Variants in RABGEF1 observed in about 807,000 individuals in gnomAD.
RABGEF1 encodes the protein rab5 GDP/GTP exchange factor.
RABGEF1 carries 26 observed loss-of-function variants against 57.3 expected under a neutral mutation model. That is an observed-to-expected ratio of 0.45 (90% CI 0.33 to 0.63). The LOEUF (loss-of-function observed/expected upper bound fraction) is 0.63. Ranked by LOEUF, RABGEF1 falls within the 20% of genes least tolerant of loss-of-function variation. RABGEF1 has a pLI of 0.02. For missense variants in RABGEF1, 464 were observed against 607.6 expected (o/e 0.76, Z 2.48); for synonymous variants, 185 against 210.7 (o/e 0.88, Z 1.06).
chr7:66,785,130 T>A (rs182911665), intron 4 of RABGEF1, among the ~76,000 whole-genome samples: 1 of 152,346 alleles, frequency 6.6e-6, no homozygotes, highest in East Asian at 1.9e-4. Context: ...GATGTGTTCT[T>A]ACTCTGTAAT....
chr7:66,768,457 G>A (rs2129102738), intron 1 of RABGEF1, among the ~76,000 whole-genome samples: 1 of 152,328 alleles, frequency 6.6e-6, no homozygotes, highest in South Asian at 2.1e-4. Context: ...TGCCAAATAT[G>A]TGATTTGCTG....
chr7:66,659,197 A>G, the RABGEF1 span, among the ~76,000 whole-genome samples: 2 of 152,144 alleles, frequency 1.3e-5, no homozygotes, highest in Admixed American at 6.5e-5. Context: ...TCACGCCTGT[A>G]ATCCCAGCAC....
intron 1 of RABGEF1, among the ~76,000 whole-genome samples, chr7:66,701,802 G>A (rs565669744): frequency 6.6e-6 from 1 of 152,176 alleles, no homozygotes; most frequent in East Asian, 1.9e-4. Context: ...TATAGATTCT[G>A]GATACAAGTT....
intron 1 of RABGEF1, among the ~76,000 whole-genome samples, chr7:66,744,930 C>T (rs1030006266): frequency 6.6e-6 from 1 of 152,096 alleles, no homozygotes; most frequent in Non-Finnish European, 1.5e-5. Context: ...CGGTGGCTCA[C>T]GCCTGTAATC....
intron 1 of RABGEF1, among the ~76,000 whole-genome samples, chr7:66,692,110 T>G (rs1435839512): frequency 6.6e-6 from 1 of 152,214 alleles, no homozygotes; most frequent in Non-Finnish European, 1.5e-5. Flanking sequence ...TGTATAAATT[T>G]GTTTCATTTC....
chr7:66,658,268 C>G, the RABGEF1 span, among the ~76,000 whole-genome samples: 2 of 152,152 alleles, frequency 1.3e-5, no homozygotes, highest in Non-Finnish European at 1.5e-5. Context: ...TGCAGTGGCT[C>G]GTGCCTGTAA....
intron 1 of RABGEF1, among the ~76,000 whole-genome samples, chr7:66,695,107 G>T (rs556241080): frequency 6.6e-6 from 1 of 152,092 alleles, no homozygotes; most frequent in Non-Finnish European, 1.5e-5. Context: ...AGATCAGAAG[G>T]TCAAGACCAG....
At chr7:66,766,591 CTT>C (rs1388564164) in intron 1 of RABGEF1, among the ~76,000 whole-genome samples, 19 of 152,186 alleles carry the variant, frequency 1.2e-4, no homozygotes, top group African/African-American at 4.3e-4. Flanking sequence ...AAACAGTAAA[CTT>C]GAGAGTTTTT....
At chr7:66,731,203 G>A (rs1797272866) in intron 2 of RABGEF1, among the ~76,000 whole-genome samples, 1 of 152,170 alleles carries the variant, frequency 6.6e-6, no homozygotes, top group Non-Finnish European at 1.5e-5. Flanking sequence ...TCCAGGCCTG[G>A]CAACAGGACT....
chr7:66,682,439 C>A (rs879420157), intron 1 of RABGEF1, among the ~76,000 whole-genome samples: 15 of 152,352 alleles, frequency 9.8e-5, no homozygotes, highest in Admixed American at 3.9e-4. Context: ...AGGCCGCCCT[C>A]GGTTCCCTTA....
chr7:66,753,816 C>T (rs908269268), intron 1 of RABGEF1, among the ~76,000 whole-genome samples: 2 of 146,726 alleles, frequency 1.4e-5, no homozygotes, highest in African/African-American at 5.0e-5. Context: ...AAGCAATTCT[C>T]CTACCTCAGT....
intron 1 of RABGEF1, among the ~76,000 whole-genome samples, chr7:66,756,524 A>G (rs1382725333): frequency 2.0e-5 from 3 of 151,982 alleles, no homozygotes; most frequent in Admixed American, 6.6e-5. Flanking sequence ...TGTTAGTACT[A>G]TTTCTGAATT....
chr7:66,665,077 T>C, the RABGEF1 span: 1 of 152,176 alleles, frequency 6.6e-6, no homozygotes, highest in African/African-American at 2.4e-5. Flanking sequence ...TGCCGGCTTC[T>C]TGGTTCCACT....
rs201470152 is a variant in RABGEF1, at chr7:66,713,369, C to T, written c.-815+1145C>T. Reference sequence around the variant, plus strand: ...GGTCTCAATCTCCTGACCTCGTGATCGGCCCGCCTTGGCCCTCCAAAGTGC... The same window carrying T: ...GGTCTCAATCTCCTGACCTCGTGATTGGCCCGCCTTGGCCCTCCAAAGTGC... On this transcript the variant is annotated intron_variant and NMD_transcript_variant, in intron 2 of 9. Transcript: ENST00000607882. Among the ~76,000 whole-genome samples the T allele has an allele frequency of 7.8e-4, 119 of 151,990 alleles. No individual in the cohort carries two copies. The East Asian group carries it at 9.7e-3, about 12-fold the overall frequency.
At chr7:66,785,641 G>A (rs1178934405) in intron 4 of RABGEF1, among the ~76,000 whole-genome samples, 12 of 152,288 alleles carry the variant, frequency 7.9e-5, no homozygotes, top group African/African-American at 2.2e-4. Flanking sequence ...TTGGGAGGCC[G>A]AGGCAGGCGG....
rs926254599 is a variant in RABGEF1, at chr7:66,810,942, A to G, written c.*1658A>G. ...ACGCACTGAAGACAGGAAGCAGTTC[A>G]CTGAGTCAGCTGGTTCCCAAGCTCG... On this transcript the variant is annotated 3_prime_UTR_variant, in exon 9 of 9. Transcript: ENST00000284957. 16 of 152,232 alleles carry G rather than the reference A, an allele frequency of 1.1e-4. No homozygotes were observed. Among genetic ancestry groups the G allele is most frequent in the African/African-American group, 3.9e-4 (16 of 41,468 alleles). 9.4% of individuals were successfully genotyped at this position (152,232 alleles called of 1,614,324 possible). A position where few individuals can be genotyped will look rare whatever the true frequency, so the allele number is the denominator to read the frequency against.
rs1253788118 is a variant in RABGEF1 at position 66,809,693 on chromosome 7, GAT to G, written c.*411_*412del. On this transcript the variant is annotated 3_prime_UTR_variant, in exon 9 of 9. Transcript: ENST00000284957. ...TTTGGAATAATTTTATAATTGTAAA[GAT>G]AGAAATTATATTGATAAGTAAATAT... 1 of 155,408 alleles carries G rather than the reference GAT, an allele frequency of 6.4e-6. No homozygotes were observed. Among genetic ancestry groups the G allele is most frequent in the African/African-American group, 2.4e-5 (1 of 41,534 alleles). 9.6% of individuals were successfully genotyped at this position (155,408 alleles called of 1,614,324 possible). A position where few individuals can be genotyped will look rare whatever the true frequency, so the allele number is the denominator to read the frequency against.
At chr7:66,763,832 A>C (rs1287071828) in intron 1 of RABGEF1, among the ~76,000 whole-genome samples, 1 of 152,226 alleles carries the variant, frequency 6.6e-6, no homozygotes, top group Non-Finnish European at 1.5e-5. Context: ...TTTTATGACC[A>C]AGTAATATTC....
At chr7:66,762,738 T>G (rs1476557818) in intron 1 of RABGEF1, among the ~76,000 whole-genome samples, 1 of 151,902 alleles carries the variant, frequency 6.6e-6, no homozygotes, top group Non-Finnish European at 1.5e-5. Flanking sequence ...CCCAAAAGAA[T>G]AATAATAAAT....
Sources: allele counts gnomAD v4.1 joint callset (sites outside exome capture counted in the v4.1 genomes callset), GRCh38; gene constraint gnomAD v4.1.1; transcripts MANE v1.5; gene names NCBI Gene and HGNC (gene_info 2026-07-23, HGNC 2026-07-21).